TSPAN5: variants seen among roughly 807,000 people sequenced by gnomAD.
TSPAN5 encodes tetraspanin 5.
In TSPAN5, 10 loss-of-function variants were observed where a neutral mutation model predicts 37.1. The ratio of observed to expected loss-of-function variants is 0.27; its 90% confidence interval spans 0.17 to 0.46. The LOEUF (loss-of-function observed/expected upper bound fraction) is 0.46. Among genes scored for constraint, TSPAN5 ranks in the 20% least tolerant of loss-of-function variants. The pLI is 1.00. For missense variants in TSPAN5, 195 were observed against 326.6 expected (o/e 0.60, Z 3.11); for synonymous variants, 110 against 118.9 (o/e 0.93, Z 0.48).
intron 1 of TSPAN5, among the ~76,000 whole-genome samples, chr4:98,574,220 C>T (rs1033961877): frequency 6.6e-5 from 10 of 152,184 alleles, no homozygotes; most frequent in African/African-American, 2.4e-4. Context: ...AAGGTTTATG[C>T]GCACATCATA....
At chr4:98,522,470 GTGCCTT>G (rs1215391064) in intron 1 of TSPAN5, among the ~76,000 whole-genome samples, 2 of 152,166 alleles carry the variant, frequency 1.3e-5, no homozygotes, top group African/African-American at 4.8e-5. Context: ...ATGATGACAG[GTGCCTT>G]CACTTCAAGC....
chr4:98,612,468 G>A (rs1312389191), intron 1 of TSPAN5, among the ~76,000 whole-genome samples: 1 of 152,172 alleles, frequency 6.6e-6, no homozygotes, highest in Non-Finnish European at 1.5e-5. Flanking sequence ...TTCTTGTCAT[G>A]TTCTCAAATG....
chr4:98,628,004 T>G (rs1756648311), intron 1 of TSPAN5, among the ~76,000 whole-genome samples: 1 of 152,186 alleles, frequency 6.6e-6, no homozygotes, highest in African/African-American at 2.4e-5. Context: ...CATCCAAACA[T>G]CTACAGCTCC....
chr4:98,512,352 T>C (rs1457027747), intron 1 of TSPAN5, among the ~76,000 whole-genome samples: 2 of 152,246 alleles, frequency 1.3e-5, no homozygotes, highest in African/African-American at 4.8e-5. Context: ...AGAATGTTTG[T>C]CCACAGAGCA....
At chr4:98,557,183 C>T (rs1177621988) in intron 1 of TSPAN5, among the ~76,000 whole-genome samples, 1 of 152,122 alleles carries the variant, frequency 6.6e-6, no homozygotes, top group Non-Finnish European at 1.5e-5. Context: ...TTTTATCATA[C>T]TAGCGTTTTT....
At chr4:98,564,463 C>A (rs10001528) in intron 1 of TSPAN5, among the ~76,000 whole-genome samples, 6,657 of 152,204 alleles carry the variant, frequency 0.044, 176 homozygotes, top group Middle Eastern at 0.075. Context: ...ATGAAAGAAG[C>A]AAACAGAATG....
intron 4 of TSPAN5, among the ~76,000 whole-genome samples, chr4:98,479,984 T>C (rs886628340): frequency 2.0e-5 from 3 of 152,084 alleles, no homozygotes; most frequent in African/African-American, 7.2e-5. Flanking sequence ...CCACCCTCAC[T>C]AAACTTAATA....
chr4:98,536,843 C>G (rs1324276100), intron 1 of TSPAN5, among the ~76,000 whole-genome samples: 2 of 152,206 alleles, frequency 1.3e-5, no homozygotes, highest in Non-Finnish European at 1.5e-5. Flanking sequence ...CGCCCCTCCC[C>G]CGACCAAGCT....
chr4:98,479,400 G>A (rs1752785233), intron 4 of TSPAN5, among the ~76,000 whole-genome samples: 1 of 152,174 alleles, frequency 6.6e-6, no homozygotes, highest in African/African-American at 2.4e-5. Context: ...GACAATGCCA[G>A]GTTGGACTGC....
chr4:98,520,258 G>T (rs1413452376), intron 1 of TSPAN5, among the ~76,000 whole-genome samples: 1 of 152,208 alleles, frequency 6.6e-6, no homozygotes, highest in Admixed American at 6.5e-5. Flanking sequence ...GCTCTACTAA[G>T]CAAAGGGGTG....
At chr4:98,530,930 A>T (rs1256961951) in intron 1 of TSPAN5, among the ~76,000 whole-genome samples, 2 of 152,084 alleles carry the variant, frequency 1.3e-5, no homozygotes, top group African/African-American at 2.4e-5. Context: ...TTTTTAAAAG[A>T]CGGTCTCACT....
intron 1 of TSPAN5, 92 bp from the exon 2 acceptor site, chr4:98,507,820 G>A (rs1471465940): frequency 1.0e-5 from 9 of 903,120 alleles, no homozygotes; most frequent in Admixed American, 2.4e-5. Flanking sequence ...CACTTTACCT[G>A]GCTGGGAAAT....
rs145869763 is a variant in TSPAN5, at chr4:98,609,757, G to C, written c.81+48389C>G. Among the ~76,000 whole-genome samples, 627 of 152,260 alleles carry C rather than the reference G, an allele frequency of 4.1e-3. 6 individuals are homozygous for C. The highest frequency in any genetic ancestry group is 0.014 in the African/African-American group (583 of 41,540). On this transcript the variant is annotated intron_variant, in intron 1 of 7. Transcript: ENST00000305798. Reference sequence around the variant, plus strand: ...TCCCTGGGTGGTCAAGGCATTATCTGTCCCTTACCTAGGGAGGCAAGAAGA... The same window carrying C: ...TCCCTGGGTGGTCAAGGCATTATCTCTCCCTTACCTAGGGAGGCAAGAAGA...
At chr4:98,610,433 G>A (rs1756155380) in intron 1 of TSPAN5, among the ~76,000 whole-genome samples, 1 of 152,158 alleles carries the variant, frequency 6.6e-6, no homozygotes, top group Admixed American at 6.5e-5. Context: ...GCTACCAGTA[G>A]GAAAAATCTT....
intron 1 of TSPAN5, among the ~76,000 whole-genome samples, chr4:98,540,406 C>T (rs1754332417): frequency 6.6e-6 from 1 of 151,916 alleles, no homozygotes; most frequent in Non-Finnish European, 1.5e-5. Context: ...GGCGCGATCT[C>T]GGCTCACTGC....
intron 1 of TSPAN5, among the ~76,000 whole-genome samples, chr4:98,604,153 C>T (rs375268374): frequency 1.3e-5 from 2 of 152,034 alleles, no homozygotes; most frequent in East Asian, 1.9e-4. Flanking sequence ...TCTGTGATCT[C>T]GTAGTACTGC....
chr4:98,639,248 GC>G (rs1756916754), intron 1 of TSPAN5, among the ~76,000 whole-genome samples: 1 of 152,144 alleles, frequency 6.6e-6, no homozygotes, highest in Non-Finnish European at 1.5e-5. Context: ...TACAAAAGCA[GC>G]AGTACATGCC....
chr4:98,608,328 C>T (rs1756088649), intron 1 of TSPAN5, among the ~76,000 whole-genome samples: 1 of 152,142 alleles, frequency 6.6e-6, no homozygotes, highest in Non-Finnish European at 1.5e-5. Context: ...GATGTGTACC[C>T]TCACACAATG....
At chr4:98,578,282 G>A (rs1167074037) in intron 1 of TSPAN5, among the ~76,000 whole-genome samples, 1 of 152,016 alleles carries the variant, frequency 6.6e-6, no homozygotes, top group Non-Finnish European at 1.5e-5. Flanking sequence ...ATTCATTCAC[G>A]GTACCCTTAA....
Sources: gnomAD v4.1 joint callset for allele counts (sites outside exome capture counted in the v4.1 genomes callset) on GRCh38, gnomAD v4.1.1 for gene constraint, MANE v1.5 for transcripts, NCBI Gene and HGNC (gene_info 2026-07-23, HGNC 2026-07-21) for gene names.